The following COQ2 variants were observed in gnomAD, a reference collection of about 807,000 sequenced individuals.
COQ2 encodes coenzyme Q2, polyprenyltransferase.
In COQ2, 25 loss-of-function variants were observed where a neutral mutation model predicts 35.7. That is an observed-to-expected ratio of 0.70 (90% CI 0.51 to 0.98). The LOEUF (loss-of-function observed/expected upper bound fraction) is 0.98. COQ2 is among the 50% of genes least tolerant of loss of function. COQ2 has a pLI of 0.00. For missense variants in COQ2, 488 were observed against 473.5 expected, an observed-to-expected ratio of 1.03 and a Z score of -0.28; for synonymous variants, 206 against 186.2, an observed-to-expected ratio of 1.11 and a Z score of -0.86.
In COQ2 at chr4:83,284,717, C is replaced by T. The variant is rs755831557; in HGVS notation, c.48G>A (p.Val16=). ...AAGFARGLRA[V]ALAWLPGWRG... ...GCCAGCCCGGCAGCCACGCCAGTGC[C>T]ACAGCCCGCAGGCCCCGCGCGAACC... is the stretch of plus-strand genomic sequence containing the variant. The change falls in exon 1 of 7, where the codon GTG becomes GTA. Residue 16 remains valine (V), a synonymous_variant. Coordinates refer to ENST00000647002, the MANE Select transcript of COQ2 (RefSeq NM_001358921.2). 2 of 1,507,906 alleles carry T rather than the reference C, an allele frequency of 1.3e-6. No homozygotes were observed. Among genetic ancestry groups the T allele is most frequent in the African/African-American group, 2.9e-5 (2 of 69,236 alleles). 93.4% of individuals were successfully genotyped at this position (1,507,906 alleles called of 1,614,324 possible).
intron 6 of COQ2, among the ~76,000 whole-genome samples, chr4:83,265,272 G>A (rs960508156): frequency 5.3e-5 from 8 of 152,024 alleles, no homozygotes; most frequent in East Asian, 1.9e-4. Context: ...ACACTGTATC[G>A]AAAACTGGAC....
chr4:83,281,195 C>T (rs1386693649), intron 1 of COQ2, among the ~76,000 whole-genome samples: 1 of 152,146 alleles, frequency 6.6e-6, no homozygotes, highest in African/African-American at 2.4e-5. Context: ...TTTCTTTACC[C>T]TGGAGCTATG....
At position 83,279,101 on chromosome 4, in the gene COQ2, C is replaced by T. The variant is rs776610517; in HGVS notation, c.267G>A (p.Leu89=). Residue 89 remains leucine, a synonymous_variant, in exon 2 of 7, where the codon CTG becomes CTA. Transcript: ENST00000647002. ...RLDKPIGTWL[L]YLPCTWSIGL... ...CAATGCTCCAGGTACATGGTAAATA[C>T]AGAAGCCAGGTTCCTAAGCAAAAAT... is the stretch of plus-strand genomic sequence containing the variant. 6.4e-7 allele frequency: 1 copy of T among 1,566,504 alleles called. No homozygotes were observed. The highest frequency in any genetic ancestry group is 1.2e-5 in the South Asian group (1 of 82,058).
chr4:83,274,477 G>C (rs1452791866), intron 2 of COQ2, among the ~76,000 whole-genome samples: 1 of 152,222 alleles, frequency 6.6e-6, no homozygotes, highest in Non-Finnish European at 1.5e-5. Flanking sequence ...TTATAAGCGT[G>C]AGCCACGGTG....
At chr4:83,270,446 T>C (rs943318649) in intron 4 of COQ2, among the ~76,000 whole-genome samples, 21 of 152,098 alleles carry the variant, frequency 1.4e-4, no homozygotes, top group African/African-American at 3.1e-4. Flanking sequence ...TATTCCACAA[T>C]GGCATCATCT....
At chr4:83,284,188 G>A in intron 1 of COQ2, 4 of 985,476 alleles carry the variant, frequency 4.1e-6, no homozygotes, top group Non-Finnish European at 4.8e-6. Flanking sequence ...TGTGGAATGA[G>A]AATTATCTTG....
intron 1 of COQ2, among the ~76,000 whole-genome samples, chr4:83,279,843 C>T (rs956422990): frequency 4.1e-5 from 6 of 147,368 alleles, no homozygotes; most frequent in African/African-American, 7.4e-5. Context: ...TAGTACAATA[C>T]ACTTAGACGG....
intron 3 of COQ2, among the ~76,000 whole-genome samples, chr4:83,272,515 T>C (rs1463950233): frequency 6.6e-6 from 1 of 152,192 alleles, no homozygotes; most frequent in Non-Finnish European, 1.5e-5. Flanking sequence ...ATTCTCTTCC[T>C]TTTTTGCAGA....
upstream of COQ2, chr4:83,284,987 A>G: frequency 9.3e-7 from 1 of 1,075,252 alleles, no homozygotes; most frequent in African/African-American, 1.7e-5. Flanking sequence ...AAAAAATTAC[A>G]ATAAATTTAG....
chr4:83,264,172 T>A lies in COQ2; in HGVS notation c.*27A>T. The stretch of plus-strand genomic sequence containing the variant: ...TAATTATATTTTGTAAAAAATGTTT[T>A]AAAAATTCCTAGATAAATTTCATTC... On this transcript the variant is annotated 3_prime_UTR_variant, in exon 7 of 7. Transcript: ENST00000647002. 11 of 1,093,584 alleles carry A rather than the reference T, an allele frequency of 1.0e-5. No homozygotes were observed. Among genetic ancestry groups the A allele is most frequent in the Non-Finnish European group, 1.2e-5 (9 of 779,278 alleles). The allele number at this position is 1,093,584 out of a possible 1,614,324, so 67.7% of individuals were successfully genotyped here.
intron 3 of COQ2, among the ~76,000 whole-genome samples, chr4:83,272,403 G>A (rs1735071375): frequency 6.6e-6 from 1 of 152,096 alleles, no homozygotes; most frequent in Admixed American, 6.6e-5. Flanking sequence ...AACACATACA[G>A]TACTATCATG....
chr4:83,273,364 A>T, intron 3 of COQ2, 132 bp downstream of exon 3: 4 of 862,446 alleles, frequency 4.6e-6, no homozygotes, highest in Non-Finnish European at 5.2e-6. Context: ...TGAGTTACTT[A>T]CACTTGCTAA....
At chr4:83,274,882 A>G (rs1466819625) in intron 2 of COQ2, among the ~76,000 whole-genome samples, 1 of 152,046 alleles carries the variant, frequency 6.6e-6, no homozygotes, top group African/African-American at 2.4e-5. Context: ...AGATGGTGTC[A>G]TTTCTATTAT....
intron 1 of COQ2, among the ~76,000 whole-genome samples, chr4:83,279,650 A>T (rs149532455): frequency 2.0e-5 from 3 of 152,230 alleles, no homozygotes; most frequent in Admixed American, 2.0e-4. Context: ...ATGCTCAAAG[A>T]CTGTCAGGAA....
intron 2 of COQ2, among the ~76,000 whole-genome samples, chr4:83,274,067 G>T (rs28494663): frequency 0.036 from 5,410 of 151,706 alleles, 378 homozygotes; most frequent in African/African-American, 0.12. Flanking sequence ...GAGGTAGGAG[G>T]ATTGCTTGAG....
chr4:83,284,475 T>A lies in COQ2; in HGVS notation c.253+37A>T, dbSNP rs1173504711. 5 of 1,533,228 alleles carry A rather than the reference T, an allele frequency of 3.3e-6. No homozygotes were observed. The East Asian group carries it at 1.3e-4, about 40-fold the overall frequency. 95.0% of individuals were successfully genotyped at this position (1,533,228 alleles called of 1,614,324 possible). A position where few individuals can be genotyped will look rare whatever the true frequency, so the allele number is the denominator to read the frequency against. ...GCGGAGCCGACTCGGAGGCTGCTAC[T>A]TGCAAATTCCCGGGCTGCCCGCCCG... is the stretch of plus-strand genomic sequence containing the variant. On this transcript the variant is annotated intron_variant, in intron 1 of 6. Coordinates refer to ENST00000647002, the MANE Select transcript of COQ2 (RefSeq NM_001358921.2).
chr4:83,268,716 C>T (rs4693596), intron 5 of COQ2, among the ~76,000 whole-genome samples: 85,344 of 152,068 alleles, frequency 0.56, 25,439 homozygotes, highest in East Asian at 0.85. Context: ...TCTCTTCTAA[C>T]CTGTAAGTCA....
At chr4:83,272,353 T>C (rs1343751986) in intron 3 of COQ2, among the ~76,000 whole-genome samples, 181 bp from the exon 4 acceptor site, 1 of 152,220 alleles carries the variant, frequency 6.6e-6, no homozygotes, top group Non-Finnish European at 1.5e-5. Context: ...AGTAGAAAAC[T>C]ACTTTAAATG....
chr4:83,266,365 GT>G (rs72433716), intron 6 of COQ2, among the ~76,000 whole-genome samples: 65,010 of 144,478 alleles, frequency 0.45, 16,432 homozygotes, highest in African/African-American at 0.73. Flanking sequence ...TTTTTTTTTT[GT>G]TTTTTTTTTG....
Sources: gnomAD v4.1 joint callset for allele counts (sites outside exome capture counted in the v4.1 genomes callset) on GRCh38, gnomAD v4.1.1 for gene constraint, MANE v1.5 for transcripts, NCBI Gene and HGNC (gene_info 2026-07-23, HGNC 2026-07-21) for gene names.